Variants in FNDC3B observed in about 807,000 individuals in gnomAD.
The protein encoded by FNDC3B is fibronectin type III domain containing 3B.
FNDC3B carries 12 observed loss-of-function variants against 151.5 expected under a neutral mutation model. That is an observed-to-expected ratio of 0.08 (90% CI 0.05 to 0.13). The LOEUF (loss-of-function observed/expected upper bound fraction) is 0.13, where lower values mean the gene tolerates loss of function less well. Ranked by LOEUF, FNDC3B falls within the 10% of genes least tolerant of loss-of-function variation. The pLI is 1.00. For synonymous variants in FNDC3B, 528 were observed against 549.0 expected (o/e 0.96, Z 0.54); for missense variants, 1,214 against 1,505.3 (o/e 0.81, Z 3.20).
chr3:172,186,289 T>C (rs1320441761), intron 3 of FNDC3B, among the ~76,000 whole-genome samples: 1 of 152,236 alleles, frequency 6.6e-6, no homozygotes, highest in African/African-American at 2.4e-5. Context: ...AATTTGGGAT[T>C]ACAAGTGCTT....
intron 2 of FNDC3B, among the ~76,000 whole-genome samples, chr3:172,116,758 A>G (rs1720275886): frequency 6.6e-6 from 1 of 151,954 alleles, no homozygotes; most frequent in African/African-American, 2.4e-5. Flanking sequence ...TAGAGATGGC[A>G]TTTCACCATG....
intron 25 of FNDC3B, among the ~76,000 whole-genome samples, chr3:172,395,461 A>G (rs956510501): frequency 6.6e-6 from 1 of 152,244 alleles, no homozygotes; most frequent in Admixed American, 6.5e-5. Flanking sequence ...CTGTAACAGT[A>G]AGCCTCTTGA....
At chr3:172,106,659 G>T (rs1719659393) in intron 1 of FNDC3B, among the ~76,000 whole-genome samples, 1 of 151,940 alleles carries the variant, frequency 6.6e-6, no homozygotes, top group Non-Finnish European at 1.5e-5. Context: ...TCTCCCAGCA[G>T]TGATTAGGGC....
intron 1 of FNDC3B, among the ~76,000 whole-genome samples, chr3:172,079,908 G>A (rs2108497477): frequency 6.9e-6 from 1 of 144,344 alleles, no homozygotes; most frequent in South Asian, 2.2e-4. Flanking sequence ...ACCCTATGAG[G>A]CTGCGTAACA....
chr3:172,130,784 GA>G (rs1308392684), intron 2 of FNDC3B, among the ~76,000 whole-genome samples: 1 of 152,220 alleles, frequency 6.6e-6, no homozygotes, highest in East Asian at 1.9e-4. Flanking sequence ...GAGCGTGGTA[GA>G]AGAGAGTATA....
intron 3 of FNDC3B, among the ~76,000 whole-genome samples, chr3:172,173,107 GA>G (rs937169507): frequency 4.6e-5 from 7 of 150,626 alleles, no homozygotes; most frequent in African/African-American, 1.7e-4. Flanking sequence ...GAAGTCAGAG[GA>G]AAAAAAAACT....
intron 16 of FNDC3B, among the ~76,000 whole-genome samples, chr3:172,339,592 A>G (rs973894536): frequency 1.3e-5 from 2 of 152,092 alleles, no homozygotes; most frequent in Admixed American, 1.3e-4. Flanking sequence ...AAACAAACAA[A>G]CAAAAAACCT....
At chr3:172,223,216 A>G (rs1726379729) in intron 3 of FNDC3B, among the ~76,000 whole-genome samples, 1 of 152,198 alleles carries the variant, frequency 6.6e-6, no homozygotes, top group African/African-American at 2.4e-5. Flanking sequence ...AATGTTTAGG[A>G]AGACAATAAC....
At chr3:172,337,261 T>C (rs947725455) in intron 15 of FNDC3B, 69 bp from the exon 16 acceptor site, 1 of 1,068,758 alleles carries the variant, frequency 9.4e-7, no homozygotes, top group Non-Finnish European at 1.4e-6. Flanking sequence ...ATTTTATGAG[T>C]CCTGATGATG....
chr3:172,204,999 C>T (rs377729240), intron 3 of FNDC3B, among the ~76,000 whole-genome samples: 4 of 152,214 alleles, frequency 2.6e-5, no homozygotes, highest in Non-Finnish European at 4.4e-5. Flanking sequence ...TGGAGAGAGA[C>T]GGGAAGGACA....
intron 3 of FNDC3B, among the ~76,000 whole-genome samples, chr3:172,215,004 C>T (rs1404092994): frequency 6.6e-6 from 1 of 152,208 alleles, no homozygotes; most frequent in Non-Finnish European, 1.5e-5. Flanking sequence ...TATTACTTGT[C>T]ATACAGCTTT....
intron 1 of FNDC3B, among the ~76,000 whole-genome samples, chr3:172,073,870 C>CA (rs879500795): frequency 1.2e-3 from 158 of 135,824 alleles, no homozygotes; most frequent in African/African-American, 2.0e-3. Context: ...TCACTGAGGA[C>CA]AAAAAAAAAA....
intron 21 of FNDC3B, among the ~76,000 whole-genome samples, chr3:172,348,940 A>T (rs1733730445): frequency 6.6e-6 from 1 of 152,182 alleles, no homozygotes. Context: ...ATTTTCATTC[A>T]ACATGATTAC....
intron 6 of FNDC3B, among the ~76,000 whole-genome samples, chr3:172,281,082 T>C (rs1231517800): frequency 6.6e-6 from 1 of 152,028 alleles, no homozygotes; most frequent in Non-Finnish European, 1.5e-5. Context: ...CAGCTGACCA[T>C]GTTTGAATTA....
intron 6 of FNDC3B, among the ~76,000 whole-genome samples, chr3:172,254,719 C>T (rs528975752): frequency 5.3e-5 from 8 of 152,264 alleles, no homozygotes; most frequent in Non-Finnish European, 7.4e-5. Flanking sequence ...TTCAGGAAAA[C>T]AGGCATGACA....
At chr3:172,218,108 G>T (rs1188837605) in intron 3 of FNDC3B, among the ~76,000 whole-genome samples, 1 of 111,698 alleles carries the variant, frequency 9.0e-6, no homozygotes. Flanking sequence ...GCCAATGCCA[G>T]AGAAACGGAG....
At chr3:172,185,636 G>T (rs1412394788) in intron 3 of FNDC3B, among the ~76,000 whole-genome samples, 1 of 152,182 alleles carries the variant, frequency 6.6e-6, no homozygotes, top group Non-Finnish European at 1.5e-5. Context: ...TTAATTCCTT[G>T]CTGTTTGCAA....
chr3:172,297,059 A>G (rs937685278), intron 8 of FNDC3B, among the ~76,000 whole-genome samples: 2 of 152,190 alleles, frequency 1.3e-5, no homozygotes, highest in African/African-American at 4.8e-5. Context: ...AATGAGGTGA[A>G]CAGGAGAGCT....
chr3:172,290,670 A>C (rs527683004), intron 7 of FNDC3B, among the ~76,000 whole-genome samples: 1 of 152,222 alleles, frequency 6.6e-6, no homozygotes, highest in Non-Finnish European at 1.5e-5. Context: ...CCTGCGAGGA[A>C]CACTTCCCCT....
Sources: gnomAD v4.1 joint callset for allele counts (sites outside exome capture counted in the v4.1 genomes callset) on GRCh38, gnomAD v4.1.1 for gene constraint, MANE v1.5 for transcripts, NCBI Gene and HGNC (gene_info 2026-07-23, HGNC 2026-07-21) for gene names.